Variants in NOVA1 observed in about 807,000 individuals in gnomAD.
NOVA1 encodes RNA-binding protein Nova-1.
In NOVA1, 7 loss-of-function variants were observed where a neutral mutation model predicts 38.0. The observed-to-expected ratio is 0.18, with a 90% CI of 0.10 to 0.35. The LOEUF (loss-of-function observed/expected upper bound fraction) is 0.35. NOVA1 is among the 10% of genes least tolerant of loss of function. The pLI, the probability that NOVA1 is intolerant of heterozygous loss-of-function variation, is 1.00. For synonymous variants in NOVA1, 270 were observed against 232.5 expected, an observed-to-expected ratio of 1.16 and a Z score of -1.47; for missense variants, 460 against 616.0, an observed-to-expected ratio of 0.75 and a Z score of 2.68.
intron 4 of NOVA1, among the ~76,000 whole-genome samples, chr14:26,466,243 G>C (rs887939951): frequency 6.6e-6 from 1 of 152,190 alleles, no homozygotes; most frequent in Non-Finnish European, 1.5e-5. Context: ...ATGTGGCAAA[G>C]GCCTTTTCTT....
At chr14:26,593,465 C>T (rs1465583338) in intron 2 of NOVA1, 2 of 151,842 alleles carry the variant, frequency 1.3e-5, no homozygotes, top group African/African-American at 4.8e-5. Context: ...AACTACGAGG[C>T]TTTATTTTAT....
intron 2 of NOVA1, 141 bp downstream of exon 2, chr14:26,595,269 C>T: frequency 1.4e-6 from 1 of 720,286 alleles, no homozygotes; most frequent in Non-Finnish European, 2.1e-6. Flanking sequence ...GAAAATTTTT[C>T]CACAATATAT....
At chr14:26,475,733 T>A (rs1884934972) in intron 3 of NOVA1, among the ~76,000 whole-genome samples, 1 of 152,188 alleles carries the variant, frequency 6.6e-6, no homozygotes, top group African/African-American at 2.4e-5. Context: ...AATATAGTTT[T>A]TTAAAAAATC....
intron 3 of NOVA1, 86 bp downstream of exon 3, chr14:26,479,891 T>C: frequency 2.8e-6 from 4 of 1,431,496 alleles, no homozygotes; most frequent in Non-Finnish European, 3.8e-6. Context: ...AATAAAAGTT[T>C]TATGCTAACA....
intron 2 of NOVA1, among the ~76,000 whole-genome samples, chr14:26,557,678 C>A (rs945095409): frequency 6.6e-6 from 1 of 152,034 alleles, no homozygotes; most frequent in Non-Finnish European, 1.5e-5. Context: ...CAGCCCACTA[C>A]AGCCATTTTG....
intron 2 of NOVA1, among the ~76,000 whole-genome samples, chr14:26,579,780 T>C (rs2138761386): frequency 6.6e-6 from 1 of 152,236 alleles, no homozygotes; most frequent in African/African-American, 2.4e-5. Flanking sequence ...TTAGTAGAAT[T>C]ACACTACTAA....
intron 4 of NOVA1, among the ~76,000 whole-genome samples, chr14:26,459,364 G>C (rs916759413): frequency 6.6e-6 from 1 of 152,050 alleles, no homozygotes; most frequent in African/African-American, 2.4e-5. Flanking sequence ...ATGCTGTACA[G>C]ATTTGTAACT....
intron 2 of NOVA1, among the ~76,000 whole-genome samples, chr14:26,516,544 G>A (rs546621295): frequency 6.6e-6 from 1 of 152,184 alleles, no homozygotes; most frequent in Non-Finnish European, 1.5e-5. Flanking sequence ...TTTGAGAACA[G>A]TGTCAGGTAG....
At chr14:26,574,362 CAGAAAT>C (rs1892698940) in intron 2 of NOVA1, among the ~76,000 whole-genome samples, 2 of 148,842 alleles carry the variant, frequency 1.3e-5, no homozygotes, top group East Asian at 2.0e-4. Flanking sequence ...TAAAGATTCT[CAGAAAT>C]AGAAACGAGT....
At chr14:26,524,921 C>T (rs1889190722) in intron 2 of NOVA1, among the ~76,000 whole-genome samples, 1 of 152,172 alleles carries the variant, frequency 6.6e-6, no homozygotes, top group African/African-American at 2.4e-5. Flanking sequence ...TTGTAATTAT[C>T]TCCTTATCAG....
chr14:26,596,449 T>C, intron 1 of NOVA1: 2 of 900,844 alleles, frequency 2.2e-6, no homozygotes, highest in Non-Finnish European at 3.1e-6. Flanking sequence ...CTTGATCACA[T>C]CTTATACAGG....
intron 2 of NOVA1, among the ~76,000 whole-genome samples, chr14:26,586,055 T>C (rs1383484663): frequency 6.6e-6 from 1 of 151,320 alleles, no homozygotes; most frequent in Non-Finnish European, 1.5e-5. Context: ...GATTAAACAA[T>C]TGCGCTGTAT....
intron 2 of NOVA1, among the ~76,000 whole-genome samples, chr14:26,574,775 G>A (rs1190596159): frequency 6.6e-6 from 1 of 152,026 alleles, no homozygotes; most frequent in Admixed American, 6.5e-5. Flanking sequence ...TCCTATGACA[G>A]TCTCCAGAGT....
At chr14:26,523,702 A>G (rs1274167603) in intron 2 of NOVA1, among the ~76,000 whole-genome samples, 2 of 150,086 alleles carry the variant, frequency 1.3e-5, no homozygotes, top group Non-Finnish European at 3.0e-5. Flanking sequence ...ACATTCCTTG[A>G]TATATCATTC....
chr14:26,488,581 C>T (rs1427790903), intron 2 of NOVA1, among the ~76,000 whole-genome samples: 1 of 152,046 alleles, frequency 6.6e-6, no homozygotes, highest in African/African-American at 2.4e-5. Flanking sequence ...ATGCAAAAAA[C>T]AGTTAAGATG....
At chr14:26,477,770 T>C (rs193160825) in intron 3 of NOVA1, among the ~76,000 whole-genome samples, 10 of 152,140 alleles carry the variant, frequency 6.6e-5, no homozygotes, top group African/African-American at 1.9e-4. Context: ...GTTGGTAAAA[T>C]TGGATACCTA....
intron 4 of NOVA1, among the ~76,000 whole-genome samples, chr14:26,454,615 T>A (rs1277834837): frequency 6.6e-6 from 1 of 152,204 alleles, no homozygotes; most frequent in Non-Finnish European, 1.5e-5. Context: ...ATTATGATAA[T>A]TTCTATAATT....
intron 2 of NOVA1, among the ~76,000 whole-genome samples, chr14:26,482,801 G>A (rs1231305109): frequency 6.6e-6 from 1 of 152,122 alleles, no homozygotes; most frequent in Non-Finnish European, 1.5e-5. Flanking sequence ...GGGCTCAAGA[G>A]TGATCCTCAT....
intron 2 of NOVA1, among the ~76,000 whole-genome samples, chr14:26,571,123 G>C (rs1892447223): frequency 6.6e-6 from 1 of 150,946 alleles, no homozygotes; most frequent in Admixed American, 6.6e-5. Flanking sequence ...AAAATATTTT[G>C]AATTAAATAA....
Sources: allele counts gnomAD v4.1 joint callset (sites outside exome capture counted in the v4.1 genomes callset), GRCh38; gene constraint gnomAD v4.1.1; transcripts MANE v1.5; gene names NCBI Gene and HGNC (gene_info 2026-07-23, HGNC 2026-07-21).